KMT2C: variants seen among roughly 807,000 people sequenced by gnomAD.
KMT2C encodes histone-lysine N-methyltransferase 2C.
Under a neutral mutation model 507.9 loss-of-function variants are expected in KMT2C, and 88 were observed. The ratio of observed to expected loss-of-function variants is 0.17; its 90% CI spans 0.15 to 0.21. The LOEUF (loss-of-function observed/expected upper bound fraction) is 0.21, where lower values mean the gene tolerates loss of function less well. Among genes scored for constraint, KMT2C ranks in the 10% least tolerant of loss-of-function variants. The pLI is 1.00. For synonymous variants in KMT2C, 2,049 were observed against 2,080.8 expected (o/e 0.98, Z 0.42); for missense variants, 4,954 against 5,957.8 (o/e 0.83, Z 5.55).
intron 2 of KMT2C, among the ~76,000 whole-genome samples, chr7:152,345,644 C>A (rs916886552): frequency 6.6e-6 from 1 of 152,122 alleles, no homozygotes; most frequent in Non-Finnish European, 1.5e-5. Flanking sequence ...TGTGCCTCAG[C>A]CTCCTGAGTA....
chr7:152,431,047 A>AT (rs995441001), intron 1 of KMT2C, among the ~76,000 whole-genome samples: 2 of 152,206 alleles, frequency 1.3e-5, no homozygotes, highest in Non-Finnish European at 2.9e-5. Context: ...CACTTGGCAG[A>AT]TTAACAACAA....
At chr7:152,420,482 T>C (rs2097770760) in intron 1 of KMT2C, among the ~76,000 whole-genome samples, 3 of 152,122 alleles carry the variant, frequency 2.0e-5, no homozygotes, top group Admixed American at 6.6e-5. Context: ...GCAAAAGAGA[T>C]TATCAACAGA....
intron 1 of KMT2C, among the ~76,000 whole-genome samples, chr7:152,426,239 T>TG (rs1229050227): frequency 6.8e-6 from 1 of 146,596 alleles, no homozygotes; most frequent in African/African-American, 2.5e-5. Flanking sequence ...AGTTTTTTTT[T>TG]TTTTTTTTTT....
intron 15 of KMT2C, among the ~76,000 whole-genome samples, chr7:152,236,748 G>A (rs1347397966): frequency 6.6e-6 from 1 of 152,156 alleles, no homozygotes; most frequent in African/African-American, 2.4e-5. Context: ...TTGGAGTGCA[G>A]TGGTGTGATC....
In KMT2C at chr7:152,162,599, A is replaced by G; in HGVS notation, c.10978T>C (p.Ser3660Pro). 3.1e-6 allele frequency: 5 copies of G among 1,613,818 alleles called. No individual in the cohort carries two copies. The highest frequency in any genetic ancestry group is 4.2e-6 in the Non-Finnish European group (5 of 1,179,968). Residue 3660 changes from serine to proline, a missense_variant, in exon 43 of 59, where the codon TCG becomes CCG. Ser to Pro is a moderately conservative substitution (Grantham distance 74). Transcript: ENST00000262189. ...SELPQQADQE[S>P]VEPVGPSTPN... ...GTGGATGGGCCGACTGGTTCCACCG[A>G]CTCTTGGTCGGCTTGTTGAGGAAGC...
In KMT2C at chr7:152,226,218, C is replaced by CA. The variant is rs1563479395; in HGVS notation, c.2977-1603_2977-1602insT. On this transcript the variant is annotated intron_variant, in intron 18 of 58. Coordinates refer to ENST00000262189, the MANE Select transcript of KMT2C (RefSeq NM_170606.3). Reference sequence around the variant, plus strand: ...CAAGAGTTGGTTGTTCATTACAAGGCCTTTTTTTTTTTTTTTTTTTTTTTT... The same window carrying CA: ...CAAGAGTTGGTTGTTCATTACAAGGCACTTTTTTTTTTTTTTTTTTTTTTTT... Among the ~76,000 whole-genome samples, 287 of 127,998 alleles carry CA rather than the reference C, an allele frequency of 2.2e-3. 10 individuals carry two copies. The highest frequency in any genetic ancestry group is 8.6e-3 in the African/African-American group (268 of 30,986). The allele number at this position is 127,998 out of a possible 152,430, so 84.0% of individuals were successfully genotyped here.
intron 1 of KMT2C, among the ~76,000 whole-genome samples, chr7:152,399,508 GAATGTCAGAATACAAAAGACTAATT>G (rs2097558467): frequency 1.3e-5 from 2 of 152,066 alleles, no homozygotes; most frequent in African/African-American, 4.8e-5. Context: ...ATGGACTCTT[GAATGTCAGAATACAAAAGACTAATT>G]AACAGCTTAA....
At chr7:152,345,184 C>T (rs558967051) in intron 2 of KMT2C, among the ~76,000 whole-genome samples, 5 of 152,212 alleles carry the variant, frequency 3.3e-5, no homozygotes, top group African/African-American at 1.2e-4. Context: ...CTTTAGGAGG[C>T]TGAGGCCAGC....
At chr7:152,166,064 T>G (rs1207442565) in intron 42 of KMT2C, among the ~76,000 whole-genome samples, 3 of 152,068 alleles carry the variant, frequency 2.0e-5, no homozygotes, top group Non-Finnish European at 2.9e-5. Context: ...TTCAGAAAGA[T>G]GTAGATAAGA....
At chr7:152,157,408 T>A (rs1201487166) in intron 44 of KMT2C, among the ~76,000 whole-genome samples, 2 of 152,190 alleles carry the variant, frequency 1.3e-5, no homozygotes, top group Non-Finnish European at 2.9e-5. Context: ...TAAAATTGTT[T>A]AATTTCATTT....
intron 13 of KMT2C, among the ~76,000 whole-genome samples, 187 bp downstream of exon 13, chr7:152,249,689 A>C (rs1588582375): frequency 6.6e-6 from 1 of 151,116 alleles, no homozygotes; most frequent in Non-Finnish European, 1.5e-5. Flanking sequence ...AAAAAAAAAA[A>C]AAAAAAAAAA....
At chr7:152,320,387 T>C (rs1449355910) in intron 3 of KMT2C, among the ~76,000 whole-genome samples, 1 of 152,184 alleles carries the variant, frequency 6.6e-6, no homozygotes, top group Non-Finnish European at 1.5e-5. Context: ...TAGCTGGGAC[T>C]ACAGGCACAC....
chr7:152,182,595 C>T lies in KMT2C; in HGVS notation c.5266-1G>A. ...GCTGCTTACTTTTCTGACGCATTTG[C>T]TATTAAAATAGAAAAGAAAAAGCAA... On this transcript the variant is annotated splice_acceptor_variant, in intron 35 of 58. Transcript: ENST00000262189. LOFTEE classifies it high-confidence loss of function. The T allele has an allele frequency of 1.3e-6, 2 of 1,542,364 alleles. No individual in the cohort carries two copies. The highest frequency in any genetic ancestry group is 1.4e-5 in the African/African-American group (1 of 72,164).
At chr7:152,242,251 CTTT>C (rs893771369) in intron 14 of KMT2C, among the ~76,000 whole-genome samples, 6 of 152,040 alleles carry the variant, frequency 3.9e-5, no homozygotes, top group Non-Finnish European at 1.5e-5. Context: ...ACTTATTGAA[CTTT>C]TTTTCTGCTG....
rs1312831387 is a variant in KMT2C at position 152,435,671 on chromosome 7, C to G, written c.116G>C (p.Arg39Pro). The part of the protein sequence containing the change: ...PAAADKRPRG[R>P]PRKDGASPFQ... ...AGGGGAAGCGCCATCTTTGCGAGGC[C>G]GGCCCCGAGGTCTTTTGTCTGCGGC... The change falls in exon 1 of 59, where the codon CGG (arginine) becomes CCG (proline). Residue 39 changes from arginine to proline, a missense_variant. Physicochemically the swap from Arg to Pro is moderately radical, Grantham distance 103 (BLOSUM62 -2). This residue lies in a region of KMT2C where 5 missense variants were observed against 22.4 expected (regional missense o/e 0.22). Coordinates refer to ENST00000262189, the MANE Select transcript of KMT2C (RefSeq NM_170606.3). 6.5e-7 allele frequency: 1 copy of G among 1,547,656 alleles called. No homozygotes were observed. Among genetic ancestry groups the G allele is most frequent in the East Asian group, 2.5e-5 (1 of 39,280 alleles).
intron 3 of KMT2C, among the ~76,000 whole-genome samples, chr7:152,316,404 TTAA>T (rs2096723358): frequency 6.6e-6 from 1 of 152,044 alleles, no homozygotes; most frequent in Admixed American, 6.6e-5. Flanking sequence ...TCTAAGTCTA[TTAA>T]TAAAAAAGGA....
chr7:152,260,692 T>C (rs2095754788), intron 9 of KMT2C, among the ~76,000 whole-genome samples: 1 of 152,278 alleles, frequency 6.6e-6, no homozygotes, highest in African/African-American at 2.4e-5. Flanking sequence ...CAAGTTCTTA[T>C]AGCCTAAAGG....
At chr7:152,358,005 A>G (rs1360153467) in intron 2 of KMT2C, among the ~76,000 whole-genome samples, 1 of 152,218 alleles carries the variant, frequency 6.6e-6, no homozygotes, top group Non-Finnish European at 1.5e-5. Flanking sequence ...GTATCCTCTC[A>G]ATACAATATG....
chr7:152,270,111 T>C (rs1404764042), intron 7 of KMT2C, among the ~76,000 whole-genome samples: 1 of 152,170 alleles, frequency 6.6e-6, no homozygotes, highest in Non-Finnish European at 1.5e-5. Context: ...CATCTGCCAA[T>C]TTTCATCACT....
Sources: allele counts gnomAD v4.1 joint callset (sites outside exome capture counted in the v4.1 genomes callset), GRCh38; gene constraint gnomAD v4.1.1; regional missense constraint gnomAD v4.1.1; transcripts MANE v1.5; gene names NCBI Gene and HGNC (gene_info 2026-07-23, HGNC 2026-07-21).